Variants in SMYD3 observed in about 807,000 individuals in gnomAD.
The protein encoded by SMYD3 is histone-lysine N-methyltransferase SMYD3.
Under a neutral mutation model 57.7 loss-of-function variants are expected in SMYD3, and 36 were observed. The ratio of observed to expected loss-of-function variants is 0.62; its 90% CI spans 0.48 to 0.82. The LOEUF is 0.82. Among genes scored for constraint, SMYD3 ranks in the 40% least tolerant of loss-of-function variants. SMYD3 has a pLI of 0.00. For missense variants in SMYD3, 515 were observed against 538.8 expected (o/e 0.96, Z 0.44); for synonymous variants, 211 against 195.0 (o/e 1.08, Z -0.68).
intron 1 of SMYD3, among the ~76,000 whole-genome samples, chr1:246,496,684 C>T (rs2068369833): frequency 6.6e-6 from 1 of 151,886 alleles, no homozygotes; most frequent in Admixed American, 6.6e-5. Flanking sequence ...AAAAATTAGC[C>T]GGGCATGGTG....
At position 245,869,468 on chromosome 1, in the gene SMYD3, G is replaced by T. The variant is rs371833857; in HGVS notation, c.814-5582C>A. The stretch of plus-strand genomic sequence containing the variant: ...CTATGTAACCACTCTAGTGATTTCA[G>T]CAGTGCAGAACCAATTTAGCTCCAT... On this transcript the variant is annotated intron_variant, in intron 8 of 11. Transcript: ENST00000490107. Among the ~76,000 whole-genome samples the T allele has an allele frequency of 3.9e-5, 6 of 152,316 alleles. No individual in the cohort carries two copies. The East Asian group carries it at 5.8e-4, about 15-fold the overall frequency.
intron 5 of SMYD3, among the ~76,000 whole-genome samples, chr1:245,945,138 G>A (rs2057389721): frequency 6.6e-6 from 1 of 152,136 alleles, no homozygotes; most frequent in South Asian, 2.1e-4. Context: ...ATGGACACAT[G>A]GGATCTAATT....
At chr1:246,308,985 A>C (rs1043776690) in intron 5 of SMYD3, among the ~76,000 whole-genome samples, 1 of 152,178 alleles carries the variant, frequency 6.6e-6, no homozygotes, top group Non-Finnish European at 1.5e-5. Flanking sequence ...CATCTAAAAA[A>C]TGAAAATTAC....
chr1:245,891,892 A>T (rs983651678), intron 8 of SMYD3, among the ~76,000 whole-genome samples: 5 of 152,220 alleles, frequency 3.3e-5, no homozygotes, highest in Non-Finnish European at 7.3e-5. Flanking sequence ...AAATATTTTT[A>T]AAAATTAGCA....
intron 5 of SMYD3, among the ~76,000 whole-genome samples, chr1:246,084,040 T>C (rs1309124990): frequency 2.0e-5 from 3 of 152,136 alleles, no homozygotes; most frequent in African/African-American, 4.8e-5. Flanking sequence ...TTGTTTGGCT[T>C]ACTACTTATT....
intron 5 of SMYD3, among the ~76,000 whole-genome samples, chr1:245,999,783 T>C (rs1360745420): frequency 6.6e-6 from 1 of 152,306 alleles, no homozygotes; most frequent in Non-Finnish European, 1.5e-5. Context: ...TCTTTTAGGC[T>C]CACCCAAGTC....
intron 5 of SMYD3, among the ~76,000 whole-genome samples, chr1:245,968,758 G>A (rs1420513417): frequency 6.6e-6 from 1 of 152,058 alleles, no homozygotes; most frequent in Non-Finnish European, 1.5e-5. Context: ...CACAAACCAC[G>A]CGTTTCCCAT....
At chr1:246,166,439 C>A (rs964812888) in intron 5 of SMYD3, among the ~76,000 whole-genome samples, 1 of 152,164 alleles carries the variant, frequency 6.6e-6, no homozygotes, top group East Asian at 1.9e-4. Context: ...CTGGTAACAC[C>A]CTACTCACTG....
At chr1:246,464,837 G>C (rs2067859212) in intron 1 of SMYD3, among the ~76,000 whole-genome samples, 1 of 152,176 alleles carries the variant, frequency 6.6e-6, no homozygotes, top group Admixed American at 6.5e-5. Flanking sequence ...TTATTTATTA[G>C]TACTAGCATC....
intron 1 of SMYD3, among the ~76,000 whole-genome samples, chr1:246,363,392 G>T (rs1304174007): frequency 1.3e-5 from 2 of 152,166 alleles, no homozygotes; most frequent in Non-Finnish European, 2.9e-5. Context: ...GAGCCCCTCT[G>T]CCCGGCCACC....
intron 5 of SMYD3, among the ~76,000 whole-genome samples, chr1:246,001,755 G>A (rs1447905865): frequency 6.6e-6 from 1 of 152,170 alleles, no homozygotes; most frequent in African/African-American, 2.4e-5. Context: ...CAGAATTGCA[G>A]ACCCTACAGT....
At chr1:246,144,724 C>T (rs1344351705) in intron 5 of SMYD3, among the ~76,000 whole-genome samples, 4 of 152,112 alleles carry the variant, frequency 2.6e-5, no homozygotes, top group Admixed American at 1.3e-4. Flanking sequence ...TCCATAAAGG[C>T]CCATTTTGCA....
intron 5 of SMYD3, among the ~76,000 whole-genome samples, chr1:245,973,813 G>T (rs543588016): frequency 6.6e-6 from 1 of 152,194 alleles, no homozygotes; most frequent in South Asian, 2.1e-4. Context: ...TTTTTGGGGG[G>T]TTCAGTGAGT....
rs1044357492 is a variant in SMYD3, at chr1:246,225,307, G to T, written c.531+101894C>A. On this transcript the variant is annotated intron_variant, in intron 5 of 11. Transcript: ENST00000490107. ...CAAGATAGGGGTCAGTTATGTGGAA[G>T]ACTGCTGAAAAGTCAAAAAAAAAAA... Among the ~76,000 whole-genome samples the T allele has an allele frequency of 5.9e-5, 6 of 102,418 alleles. No homozygotes were observed. In the Admixed American group the frequency reaches 7.6e-4, roughly 13 times the overall value. 67.2% of individuals were successfully genotyped at this position (102,418 alleles called of 152,430 possible).
chr1:246,327,405 C>T, intron 4 of SMYD3, 68 bp from the exon 5 acceptor site: 1 of 1,377,914 alleles, frequency 7.3e-7, no homozygotes, highest in East Asian at 2.3e-5. Context: ...TTCAAGTGTT[C>T]AATGCTGGCT....
At chr1:246,000,765 G>A (rs1030617961) in intron 5 of SMYD3, among the ~76,000 whole-genome samples, 2 of 152,186 alleles carry the variant, frequency 1.3e-5, no homozygotes, top group Admixed American at 6.5e-5. Context: ...CTGGTGATTC[G>A]CTGAGTTCAC....
intron 10 of SMYD3, among the ~76,000 whole-genome samples, chr1:245,824,992 C>T (rs1409786758): frequency 6.6e-6 from 1 of 151,664 alleles, no homozygotes; most frequent in Non-Finnish European, 1.5e-5. Context: ...GATCGTGCCA[C>T]TGCACTCCAG....
Position 245,966,389 on chromosome 1 carries a change from G to A in SMYD3, c.532-36452C>T, listed in dbSNP as rs150772300. On this transcript the variant is annotated intron_variant, in intron 5 of 11. Transcript: ENST00000490107. The stretch of plus-strand genomic sequence containing the variant: ...TCATTATGTTTCCCAGGCTGGTCTT[G>A]AACTCCTGGCCTCAAGAACTCCTCC... 4.1e-3 allele frequency among the ~76,000 whole-genome samples: 625 copies of A among 152,232 alleles called. 3 individuals carry two copies. Among genetic ancestry groups the A allele is most frequent in the African/African-American group, 0.014 (567 of 41,536 alleles).
chr1:246,190,467 C>T (rs539390823), intron 5 of SMYD3, among the ~76,000 whole-genome samples: 1 of 151,782 alleles, frequency 6.6e-6, no homozygotes, highest in East Asian at 1.9e-4. Flanking sequence ...CACCTGTAGT[C>T]CCAGCTACTC....
Sources: allele counts gnomAD v4.1 joint callset (sites outside exome capture counted in the v4.1 genomes callset), GRCh38; gene constraint gnomAD v4.1.1; transcripts MANE v1.5; gene names NCBI Gene and HGNC (gene_info 2026-07-23, HGNC 2026-07-21).